FBXL17: variants seen among roughly 807,000 people sequenced by gnomAD.
FBXL17 encodes F-box and leucine rich repeat protein 17, also known as F-box/LRR-repeat protein 17.
In FBXL17, 22 loss-of-function variants were observed where a neutral mutation model predicts 66.2. The ratio of observed to expected loss-of-function variants is 0.33; its 90% confidence interval spans 0.24 to 0.47. FBXL17 has a LOEUF of 0.47. Ranked by LOEUF, FBXL17 falls within the 20% of genes least tolerant of loss-of-function variation. FBXL17 has a pLI of 1.00. For synonymous variants in FBXL17, 474 were observed against 400.5 expected, an observed-to-expected ratio of 1.18 and a Z score of -2.19; for missense variants, 878 against 948.2, an observed-to-expected ratio of 0.93 and a Z score of 0.97.
In FBXL17 at chr5:107,891,558, G is replaced by A. The variant is rs145881426; in HGVS notation, c.1823-10379C>T. 6.3e-3 allele frequency among the ~76,000 whole-genome samples: 961 copies of A among 152,192 alleles called. 10 individuals are homozygous for A. Among genetic ancestry groups the A allele is most frequent in the Non-Finnish European group, 8.5e-3 (579 of 67,988 alleles). ...ATAATAGAGATGGAGAGAAGGGGTT[G>A]AATTTTGAATCAATTTTAAAGATAG... is the stretch of plus-strand genomic sequence containing the variant. On this transcript the variant is annotated intron_variant, in intron 7 of 8. Transcript: ENST00000542267.
At chr5:108,091,503 G>A (rs926730587) in intron 6 of FBXL17, among the ~76,000 whole-genome samples, 5 of 151,938 alleles carry the variant, frequency 3.3e-5, no homozygotes, top group Admixed American at 3.3e-4. Context: ...CACCCATTTG[G>A]GTACTTTATT....
chr5:108,088,700 C>CAAAAAAAAAA lies in FBXL17; in HGVS notation c.1746-67709_1746-67700dup, dbSNP rs57707936. On this transcript the variant is annotated intron_variant, in intron 6 of 8. Coordinates refer to ENST00000542267, the MANE Select transcript of FBXL17 (RefSeq NM_001163315.3). ...TGGCCGACAGAGCGAGACTCTATCT[C>CAAAAAAAAAA]AAAAAAAAAAAAAAAAAAAAAAAAA... 5.9e-4 allele frequency among the ~76,000 whole-genome samples: 29 copies of CAAAAAAAAAA among 49,344 alleles called. 4 individuals carry two copies. Among genetic ancestry groups the CAAAAAAAAAA allele is most frequent in the African/African-American group, 2.1e-3 (24 of 11,556 alleles). The allele number at this position is 49,344 out of a possible 152,430, so 32.4% of individuals were successfully genotyped here. A position where few individuals can be genotyped will look rare whatever the true frequency, so the allele number is the denominator to read the frequency against.
At chr5:107,896,092 G>C (rs1749372717) in intron 7 of FBXL17, among the ~76,000 whole-genome samples, 1 of 151,966 alleles carries the variant, frequency 6.6e-6, no homozygotes, top group Non-Finnish European at 1.5e-5. Context: ...TCAGGGACTG[G>C]TATACTACTG....
intron 6 of FBXL17, among the ~76,000 whole-genome samples, chr5:108,060,477 G>C (rs1003740905): frequency 1.1e-4 from 17 of 151,972 alleles, no homozygotes; most frequent in African/African-American, 3.6e-4. Context: ...TTTTACACCA[G>C]GCAAAAAGTG....
At chr5:107,929,890 C>T (rs532971569) in intron 7 of FBXL17, among the ~76,000 whole-genome samples, 1 of 152,314 alleles carries the variant, frequency 6.6e-6, no homozygotes, top group South Asian at 2.1e-4. Context: ...TTTCCCTACA[C>T]TTCTACACCC....
At chr5:108,225,653 G>C (rs1755069868) in intron 4 of FBXL17, among the ~76,000 whole-genome samples, 1 of 152,156 alleles carries the variant, frequency 6.6e-6, no homozygotes, top group African/African-American at 2.4e-5. Flanking sequence ...TGGACTTCCA[G>C]GCTCTAGAAC....
At position 108,381,610 on chromosome 5, in the gene FBXL17, G is replaced by A. The variant is rs946284644; in HGVS notation, c.82C>T (p.Arg28Cys). The A allele has an allele frequency of 3.4e-6, 5 of 1,482,108 alleles. No individual in the cohort carries two copies. The African/African-American group carries it at 5.9e-5, about 17-fold the overall frequency. The allele number at this position is 1,482,108 out of a possible 1,614,324, so 91.8% of individuals were successfully genotyped here. A position where few individuals can be genotyped will look rare whatever the true frequency, so the allele number is the denominator to read the frequency against. ...PRCCSWCRRR[R>C]PLLRLPRRTP... is the part of the protein sequence containing the mutation. ...CGGCGGGGCAGCCTGAGGAGAGGGC[G>A]CCGGCGGCGGCACCAACTGCAACAG... is the stretch of plus-strand genomic sequence containing the variant. Residue 28 changes from arginine to cysteine, a missense_variant, in exon 1 of 9, where the codon CGC (arginine) becomes TGC (cysteine). This residue lies in a region of FBXL17 where 605 missense variants were observed against 509.5 expected (regional missense o/e 1.19). Transcript: ENST00000542267.
At chr5:108,035,038 C>T (rs1001738403) in intron 6 of FBXL17, among the ~76,000 whole-genome samples, 1 of 152,032 alleles carries the variant, frequency 6.6e-6, no homozygotes, top group Non-Finnish European at 1.5e-5. Flanking sequence ...TGATCTAATA[C>T]AGAAAGCCAT....
chr5:107,958,202 A>C (rs2112621278), intron 7 of FBXL17, among the ~76,000 whole-genome samples: 1 of 151,296 alleles, frequency 6.6e-6, no homozygotes, highest in Admixed American at 6.6e-5. Context: ...TTCTGTCTTT[A>C]TTTATTTATT....
At chr5:107,913,996 C>T (rs1404903344) in intron 7 of FBXL17, among the ~76,000 whole-genome samples, 2 of 150,770 alleles carry the variant, frequency 1.3e-5, no homozygotes, top group African/African-American at 4.9e-5. Context: ...TAACAGGAGG[C>T]ACTTCACACA....
chr5:108,247,208 A>C (rs1756140397), intron 4 of FBXL17, among the ~76,000 whole-genome samples: 1 of 152,216 alleles, frequency 6.6e-6, no homozygotes, highest in Admixed American at 6.5e-5. Flanking sequence ...AGAGAAAGCA[A>C]TTGGTTTTAT....
intron 4 of FBXL17, among the ~76,000 whole-genome samples, chr5:108,225,497 G>A (rs2150078083): frequency 6.6e-6 from 1 of 152,258 alleles, no homozygotes; most frequent in African/African-American, 2.4e-5. Context: ...CACACAGGGA[G>A]AATGCCATGT....
chr5:107,935,829 G>C (rs1750891630), intron 7 of FBXL17, among the ~76,000 whole-genome samples: 1 of 152,074 alleles, frequency 6.6e-6, no homozygotes, highest in South Asian at 2.1e-4. Flanking sequence ...GCAATGGAGG[G>C]GAAGCAAAGA....
At chr5:108,053,563 A>T (rs1226586060) in intron 6 of FBXL17, among the ~76,000 whole-genome samples, 1 of 152,194 alleles carries the variant, frequency 6.6e-6, no homozygotes, top group Non-Finnish European at 1.5e-5. Context: ...CCACAATGAG[A>T]TACCATCTCA....
chr5:108,302,232 A>C (rs1248398887), intron 4 of FBXL17, among the ~76,000 whole-genome samples: 1 of 151,832 alleles, frequency 6.6e-6, no homozygotes, highest in Admixed American at 6.6e-5. Context: ...AGTAAATATA[A>C]AGTCATCACT....
chr5:108,270,164 G>T (rs1161570895), intron 4 of FBXL17, among the ~76,000 whole-genome samples: 1 of 151,986 alleles, frequency 6.6e-6, no homozygotes, highest in Non-Finnish European at 1.5e-5. Flanking sequence ...ACACATGCCA[G>T]GTATGTTGCC....
chr5:108,162,071 C>T (rs1403499943), intron 6 of FBXL17, among the ~76,000 whole-genome samples: 1 of 152,216 alleles, frequency 6.6e-6, no homozygotes, highest in Non-Finnish European at 1.5e-5. Flanking sequence ...AAATTATAAA[C>T]TCTATGAGGC....
At chr5:108,291,946 C>T (rs530987499) in intron 4 of FBXL17, among the ~76,000 whole-genome samples, 1 of 152,128 alleles carries the variant, frequency 6.6e-6, no homozygotes, top group Admixed American at 6.6e-5. Flanking sequence ...AGGTGGTCAT[C>T]ATTTCTTTCC....
chr5:108,103,333 G>C (rs1749671542), intron 6 of FBXL17, among the ~76,000 whole-genome samples: 1 of 152,186 alleles, frequency 6.6e-6, no homozygotes, highest in Admixed American at 6.5e-5. Context: ...CAGCCATTCT[G>C]CTTTCCAGTG....
Sources: allele counts gnomAD v4.1 joint callset (sites outside exome capture counted in the v4.1 genomes callset), GRCh38; gene constraint gnomAD v4.1.1; regional missense constraint gnomAD v4.1.1; transcripts MANE v1.5; gene names NCBI Gene and HGNC (gene_info 2026-07-23, HGNC 2026-07-21).